RIT2: variants seen among roughly 807,000 people sequenced by gnomAD.
The protein encoded by RIT2 is GTP-binding protein Rit2.
RIT2 carries 24 observed loss-of-function variants against 23.7 expected under a neutral mutation model. That is an observed-to-expected ratio of 1.01 (90% CI 0.73 to 1.43). RIT2 has a LOEUF of 1.43. Among genes scored for constraint, RIT2 ranks in the 40% most tolerant of loss-of-function variants. The pLI is 0.00. For synonymous variants in RIT2, 107 were observed against 91.1 expected (o/e 1.17, Z -0.99); for missense variants, 236 against 266.9 (o/e 0.88, Z 0.81).
At chr18:42,904,807 AG>A (rs1908567829) in intron 4 of RIT2, among the ~76,000 whole-genome samples, 1 of 152,204 alleles carries the variant, frequency 6.6e-6, no homozygotes, top group Admixed American at 6.5e-5. Flanking sequence ...ATACATAAAT[AG>A]ACAATACACA....
intron 4 of RIT2, among the ~76,000 whole-genome samples, chr18:42,914,051 G>T (rs1029707558): frequency 1.3e-5 from 2 of 151,946 alleles, no homozygotes; most frequent in Non-Finnish European, 2.9e-5. Flanking sequence ...AGGATATTCA[G>T]ATGACAAATA....
intron 1 of RIT2, among the ~76,000 whole-genome samples, chr18:43,035,454 C>G (rs1299657032): frequency 6.6e-6 from 1 of 152,164 alleles, no homozygotes; most frequent in Non-Finnish European, 1.5e-5. Context: ...GCCTCCCTCT[C>G]TTAGTTCCTG....
intron 4 of RIT2, among the ~76,000 whole-genome samples, chr18:42,819,438 T>G (rs1906088150): frequency 6.6e-6 from 1 of 152,066 alleles, no homozygotes; most frequent in African/African-American, 2.4e-5. Context: ...CTTTATTATT[T>G]TAGGTGTGGT....
chr18:42,761,293 T>C (rs1913296529), intron 4 of RIT2, among the ~76,000 whole-genome samples: 1 of 152,202 alleles, frequency 6.6e-6, no homozygotes, highest in Non-Finnish European at 1.5e-5. Flanking sequence ...CTAAAGTAAC[T>C]CCCAGTCTCC....
At chr18:43,032,297 T>C (rs1911873509) in intron 2 of RIT2, among the ~76,000 whole-genome samples, 1 of 152,058 alleles carries the variant, frequency 6.6e-6, no homozygotes, top group African/African-American at 2.4e-5. Flanking sequence ...TATTCACATC[T>C]ACTGCCCTGT....
At chr18:42,911,681 A>G (rs536596524) in intron 4 of RIT2, among the ~76,000 whole-genome samples, 1 of 152,158 alleles carries the variant, frequency 6.6e-6, no homozygotes, top group African/African-American at 2.4e-5. Context: ...TCATCAGTTC[A>G]GTAAGGTGGA....
At chr18:42,916,911 T>C (rs1032715754) in intron 4 of RIT2, among the ~76,000 whole-genome samples, 1 of 152,138 alleles carries the variant, frequency 6.6e-6, no homozygotes, top group Admixed American at 6.6e-5. Flanking sequence ...AGTTGAACGT[T>C]AATGCAAACC....
chr18:42,795,015 A>T (rs1458921282), intron 4 of RIT2, among the ~76,000 whole-genome samples: 3 of 152,146 alleles, frequency 2.0e-5, no homozygotes, highest in Non-Finnish European at 4.4e-5. Context: ...TCTTTTTTTG[A>T]AACTAAGGAG....
rs1912838869 is a variant in RIT2 at position 42,743,427 on chromosome 18, A to G, written c.*66T>C. The G allele has an allele frequency of 2.6e-6, 3 of 1,147,458 alleles. No homozygotes were observed. The East Asian group carries it at 7.1e-5, about 27-fold the overall frequency. The allele number at this position is 1,147,458 out of a possible 1,614,324, so 71.1% of individuals were successfully genotyped here. A position where few individuals can be genotyped will look rare whatever the true frequency, so the allele number is the denominator to read the frequency against. Reference sequence around the variant, plus strand: ...CATAGAGAGATAATATTGAAGCAGAATGCTACATATGGAATTGTCCAACTA... The same window carrying G: ...CATAGAGAGATAATATTGAAGCAGAGTGCTACATATGGAATTGTCCAACTA... On this transcript the variant is annotated 3_prime_UTR_variant, in exon 5 of 5. Coordinates refer to ENST00000326695, the MANE Select transcript of RIT2 (RefSeq NM_002930.4).
At chr18:43,075,506 A>G (rs969994403) in intron 1 of RIT2, among the ~76,000 whole-genome samples, 4 of 152,228 alleles carry the variant, frequency 2.6e-5, no homozygotes, top group African/African-American at 9.6e-5. Context: ...AGTACTAAGC[A>G]TACTCAATGC....
At chr18:42,802,951 G>C (rs1416527651) in intron 4 of RIT2, among the ~76,000 whole-genome samples, 3 of 152,084 alleles carry the variant, frequency 2.0e-5, no homozygotes, top group Non-Finnish European at 2.9e-5. Context: ...GAGTGAGATA[G>C]TCTTTAGAGA....
intron 4 of RIT2, among the ~76,000 whole-genome samples, chr18:42,796,437 G>C (rs1470567663): frequency 6.7e-6 from 1 of 149,384 alleles, no homozygotes; most frequent in Non-Finnish European, 1.5e-5. Flanking sequence ...CTTCATTCTT[G>C]AAGTCAGTGA....
At chr18:43,072,901 A>T (rs1322071058) in intron 1 of RIT2, among the ~76,000 whole-genome samples, 1 of 152,164 alleles carries the variant, frequency 6.6e-6, no homozygotes, top group African/African-American at 2.4e-5. Flanking sequence ...ATGCTGTGGG[A>T]GAAAGGAGAA....
intron 1 of RIT2, among the ~76,000 whole-genome samples, chr18:43,115,084 G>C (rs1207504493): frequency 6.6e-6 from 1 of 151,986 alleles, no homozygotes; most frequent in Non-Finnish European, 1.5e-5. Flanking sequence ...TTGAGACTAG[G>C]AGCACATTTT....
chr18:42,850,246 T>C (rs1907017469), intron 4 of RIT2, among the ~76,000 whole-genome samples: 1 of 152,186 alleles, frequency 6.6e-6, no homozygotes, highest in Non-Finnish European at 1.5e-5. Flanking sequence ...TTTAATTTGC[T>C]ATCAAAACAA....
chr18:42,896,089 C>A (rs535619624), intron 4 of RIT2, among the ~76,000 whole-genome samples: 1 of 152,272 alleles, frequency 6.6e-6, no homozygotes, highest in Non-Finnish European at 1.5e-5. Context: ...CATGGTGAAA[C>A]CCCAGCTCTA....
In RIT2 at chr18:42,789,206, A is replaced by G. The variant is rs976627107; in HGVS notation, c.427-45486T>C. Among the ~76,000 whole-genome samples, 5 of 152,306 alleles carry G rather than the reference A, an allele frequency of 3.3e-5. No homozygotes were observed. In the East Asian group the frequency reaches 7.7e-4, roughly 24 times the overall value. On this transcript the variant is annotated intron_variant, in intron 4 of 4. Coordinates refer to ENST00000326695, the MANE Select transcript of RIT2 (RefSeq NM_002930.4). The stretch of plus-strand genomic sequence containing the variant: ...CATAATTTCTGTAACATCAGTACAA[A>G]TGTCAACAGAGTGAAAATGTAAAAA...
chr18:43,029,409 AT>A (rs1310997967), intron 2 of RIT2, among the ~76,000 whole-genome samples: 1 of 152,150 alleles, frequency 6.6e-6, no homozygotes, highest in East Asian at 1.9e-4. Flanking sequence ...AAATGAGATA[AT>A]AAAATAATAA....
intron 4 of RIT2, among the ~76,000 whole-genome samples, chr18:42,857,916 C>T (rs1046780004): frequency 2.0e-5 from 3 of 152,296 alleles, no homozygotes; most frequent in African/African-American, 7.2e-5. Context: ...CACGGTGGCT[C>T]ATGCCTGTAA....
Sources: allele counts gnomAD v4.1 joint callset (sites outside exome capture counted in the v4.1 genomes callset), GRCh38; gene constraint gnomAD v4.1.1; transcripts MANE v1.5; gene names NCBI Gene and HGNC (gene_info 2026-07-23, HGNC 2026-07-21).